The following NCAM2 variants were observed in gnomAD, a reference collection of about 807,000 sequenced individuals.
The protein encoded by NCAM2 is neural cell adhesion molecule 2.
NCAM2 carries 30 observed loss-of-function variants against 98.1 expected under a neutral mutation model. The observed-to-expected ratio is 0.31, with a 90% CI of 0.23 to 0.41. NCAM2 has a LOEUF of 0.41. Among genes scored for constraint, NCAM2 ranks in the 10% least tolerant of loss-of-function variants. The pLI is 1.00. For missense variants in NCAM2, 867 were observed against 1,005.8 expected, an observed-to-expected ratio of 0.86 and a Z score of 1.87; for synonymous variants, 368 against 342.4, an observed-to-expected ratio of 1.07 and a Z score of -0.83.
intron 8 of NCAM2, among the ~76,000 whole-genome samples, chr21:21,340,946 A>G (rs943752775): frequency 1.3e-5 from 2 of 152,074 alleles, no homozygotes; most frequent in African/African-American, 4.8e-5. Flanking sequence ...GTTATAAGGA[A>G]GATGAGCACA....
chr21:21,143,826 A>G (rs1370969566), intron 1 of NCAM2, among the ~76,000 whole-genome samples: 8 of 106,862 alleles, frequency 7.5e-5, no homozygotes, highest in Non-Finnish European at 1.3e-4. Context: ...TTTTTCCAGC[A>G]GTTATTTGTA....
intron 1 of NCAM2, among the ~76,000 whole-genome samples, chr21:21,146,759 T>C (rs887444256): frequency 2.0e-5 from 3 of 152,114 alleles, no homozygotes; most frequent in South Asian, 2.1e-4. Flanking sequence ...TAAATTTTCC[T>C]TGGATAACAC....
At chr21:21,453,936 G>T (rs1981728832) in intron 12 of NCAM2, among the ~76,000 whole-genome samples, 1 of 151,848 alleles carries the variant, frequency 6.6e-6, no homozygotes, top group South Asian at 2.1e-4. Flanking sequence ...AAATACAGAG[G>T]TCTACAATGA....
At chr21:21,040,921 T>G (rs2064891600) in intron 1 of NCAM2, among the ~76,000 whole-genome samples, 1 of 152,138 alleles carries the variant, frequency 6.6e-6, no homozygotes, top group African/African-American at 2.4e-5. Context: ...GAAGAGAGGA[T>G]TTTGAATATT....
chr21:21,342,549 G>A (rs1027760485), intron 8 of NCAM2, among the ~76,000 whole-genome samples: 3 of 152,140 alleles, frequency 2.0e-5, no homozygotes, highest in African/African-American at 7.2e-5. Context: ...GTCTTTTGTG[G>A]CAGCAGGCTT....
intron 1 of NCAM2, among the ~76,000 whole-genome samples, chr21:21,060,748 C>G (rs1014144098): frequency 6.6e-6 from 1 of 151,920 alleles, no homozygotes; most frequent in Non-Finnish European, 1.5e-5. Flanking sequence ...ATTTGAAGAG[C>G]CCATTTTTAA....
intron 14 of NCAM2, among the ~76,000 whole-genome samples, chr21:21,477,057 G>A (rs550293575): frequency 1.3e-5 from 2 of 151,596 alleles, no homozygotes; most frequent in Non-Finnish European, 2.9e-5. Flanking sequence ...CTGAATAAAG[G>A]ATTAATGACA....
intron 6 of NCAM2, among the ~76,000 whole-genome samples, chr21:21,332,409 A>G (rs1212608336): frequency 6.6e-6 from 1 of 152,170 alleles, no homozygotes; most frequent in Admixed American, 6.5e-5. Context: ...TTACTGATGC[A>G]ATATTATTCT....
chr21:21,209,024 G>A (rs1002345757), intron 1 of NCAM2, among the ~76,000 whole-genome samples: 2 of 151,960 alleles, frequency 1.3e-5, no homozygotes, highest in Admixed American at 1.3e-4. Context: ...GTGATTTAAT[G>A]TAAAAATAAT....
chr21:21,072,933 C>G (rs936517597), intron 1 of NCAM2, among the ~76,000 whole-genome samples: 11 of 152,060 alleles, frequency 7.2e-5, no homozygotes, highest in Non-Finnish European at 1.0e-4. Flanking sequence ...AGAACTGTTT[C>G]AACTTCTCAA....
intron 1 of NCAM2, among the ~76,000 whole-genome samples, chr21:21,209,231 T>C (rs2069554406): frequency 6.6e-6 from 1 of 152,096 alleles, no homozygotes; most frequent in Non-Finnish European, 1.5e-5. Context: ...ATTTATTTAC[T>C]TACGAGATTG....
intron 1 of NCAM2, among the ~76,000 whole-genome samples, chr21:21,037,463 A>G (rs542478723): frequency 3.9e-5 from 6 of 152,334 alleles, no homozygotes; most frequent in African/African-American, 1.2e-4. Context: ...ATGCTATTCA[A>G]AGTCTTCAAA....
At chr21:21,459,393 G>T (rs1982622648) in intron 12 of NCAM2, among the ~76,000 whole-genome samples, 1 of 150,338 alleles carries the variant, frequency 6.7e-6, no homozygotes, top group Admixed American at 6.7e-5. Flanking sequence ...ATCTGTGAAT[G>T]AATGGTTAAA....
chr21:21,043,862 AAAAAAG>A (rs1488305552), intron 1 of NCAM2, among the ~76,000 whole-genome samples: 2 of 151,204 alleles, frequency 1.3e-5, no homozygotes, highest in Non-Finnish European at 2.9e-5. Flanking sequence ...AAAAAAAAAA[AAAAAAG>A]AAAAAAGAAA....
intron 1 of NCAM2, among the ~76,000 whole-genome samples, chr21:21,117,577 A>G (rs910935127): frequency 2.1e-4 from 32 of 152,220 alleles, no homozygotes; most frequent in African/African-American, 7.7e-4. Flanking sequence ...AAAGTAGGAA[A>G]TACTACAATT....
chr21:21,120,604 G>A (rs771729428), intron 1 of NCAM2, among the ~76,000 whole-genome samples: 1 of 152,024 alleles, frequency 6.6e-6, no homozygotes, highest in Non-Finnish European at 1.5e-5. Flanking sequence ...GAGCCTGTTT[G>A]TTTTCAAGAA....
chr21:21,218,038 G>C (rs1254491892), intron 1 of NCAM2, among the ~76,000 whole-genome samples: 1 of 152,186 alleles, frequency 6.6e-6, no homozygotes, highest in African/African-American at 2.4e-5. Flanking sequence ...CAGACGGCTA[G>C]CTGTTCCATA....
intron 1 of NCAM2, among the ~76,000 whole-genome samples, chr21:21,265,366 A>C (rs1418925684): frequency 2.4e-5 from 1 of 41,926 alleles, no homozygotes; most frequent in African/African-American, 9.0e-5. Context: ...ATTATATTAT[A>C]TATACACATA....
chr21:21,385,599 T>C (rs973347156), intron 9 of NCAM2: 150 of 1,282,306 alleles, frequency 1.2e-4, no homozygotes, highest in Middle Eastern at 6.4e-4. Flanking sequence ...TCTTTTGTGT[T>C]TCAGCTTAAA....
Sources: gnomAD v4.1 joint callset for allele counts (sites outside exome capture counted in the v4.1 genomes callset) on GRCh38, gnomAD v4.1.1 for gene constraint, MANE v1.5 for transcripts, NCBI Gene and HGNC (gene_info 2026-07-23, HGNC 2026-07-21) for gene names.